Variants in NDUFS8 observed in about 807,000 individuals in gnomAD.
The protein encoded by NDUFS8 is NADH dehydrogenase [ubiquinone] iron-sulfur protein 8, mitochondrial.
NDUFS8 carries 13 observed loss-of-function variants against 25.6 expected under a neutral mutation model. That is an observed-to-expected ratio of 0.51 (90% CI 0.33 to 0.81). The LOEUF is 0.81. Among genes scored for constraint, NDUFS8 ranks in the 30% least tolerant of loss-of-function variants. NDUFS8 has a pLI of 0.02. For synonymous variants in NDUFS8, 119 were observed against 119.4 expected (o/e 1.00, Z 0.02); for missense variants, 257 against 300.9 (o/e 0.85, Z 1.08).
intron 1 of NDUFS8, chr11:68,031,147 A>G (rs1854756830): frequency 2.3e-5 from 6 of 263,878 alleles, no homozygotes; most frequent in South Asian, 1.8e-4. Context: ...AACCCACTTC[A>G]TAGGTGAGAA....
intron 4 of NDUFS8, 44 bp from the exon 5 acceptor site, chr11:68,033,067 G>C: frequency 6.2e-7 from 1 of 1,613,242 alleles, no homozygotes. Context: ...CGGATGCATG[G>C]GGGAGGAGGG....
intron 1 of NDUFS8, 121 bp from the exon 2 acceptor site, chr11:68,032,031 G>C: frequency 7.1e-7 from 1 of 1,404,402 alleles, no homozygotes; most frequent in Non-Finnish European, 1.0e-6. Flanking sequence ...GACAGCAATG[G>C]GGTGCGAGTA....
intron 1 of NDUFS8, among the ~76,000 whole-genome samples, chr11:68,031,881 GGAGA>G (rs1854773028): frequency 6.6e-6 from 1 of 152,154 alleles, no homozygotes; most frequent in African/African-American, 2.4e-5. Flanking sequence ...TCTCTGGGAG[GGAGA>G]AAGGAAGGAT....
chr11:68,033,112 C>T lies in NDUFS8; in HGVS notation c.201C>T (p.Gly67=), dbSNP rs1311356395. Residue 67 remains glycine (G), a splice_region_variant and synonymous_variant, in exon 5 of 7, where the codon GGC becomes GGT. Transcript: ENST00000313468. ...RTLLWTELFR[G]LGMTLSYLFR... is the part of the protein sequence containing the mutation. ...CCACCACACCCGTGCTGCCCACAGGCCTGGGCATGACCCTGAGCTACCTGT... is the reference window on the plus strand; with the variant it reads ...CCACCACACCCGTGCTGCCCACAGGTCTGGGCATGACCCTGAGCTACCTGT... 1.2e-6 allele frequency: 2 copies of T among 1,613,048 alleles called. No individual in the cohort carries two copies. The highest frequency in any genetic ancestry group is 4.5e-5 in the East Asian group (2 of 44,868).
chr11:68,032,639 C>T lies in NDUFS8; in HGVS notation c.110-284C>T, dbSNP rs115295367. ...CTGGTGAAGGCAAAGGCTCAAGCCC[C>T]CCACCTACCCCCCTTGATTCCTCTT... is the stretch of plus-strand genomic sequence containing the variant. On this transcript the variant is annotated intron_variant, in intron 3 of 6. Transcript: ENST00000313468. 3.3e-3 allele frequency: 3,274 copies of T among 996,756 alleles called. 70 individuals carry two copies. In the African/African-American group the frequency reaches 0.047, roughly 14 times the overall value. 61.7% of individuals were successfully genotyped at this position (996,756 alleles called of 1,614,324 possible). A position where few individuals can be genotyped will look rare whatever the true frequency, so the allele number is the denominator to read the frequency against.
intron 4 of NDUFS8, 35 bp from the exon 5 acceptor site, chr11:68,033,076 G>A (rs778065096): frequency 5.6e-6 from 9 of 1,613,016 alleles, no homozygotes; most frequent in Non-Finnish European, 5.9e-6. Flanking sequence ...GGGGGAGGAG[G>A]GTGCCCCTGC....
At position 68,036,339 on chromosome 11, in the gene NDUFS8, C is replaced by T. The variant is rs149201273; in HGVS notation, c.459C>T (p.Cys153=). The change falls in exon 6 of 7, where the codon TGC becomes TGT. Residue 153 remains cysteine (C), a synonymous_variant. Transcript: ENST00000313468. ...TCGACATGACCAAGTGCATCTACTG[C>T]GGCTTCTGCCAGGAGGCCTGTCCCG... ...YDIDMTKCIY[C]GFCQEACPVD... 4.4e-4 allele frequency: 712 copies of T among 1,613,734 alleles called. 1 individual carries two copies. The highest frequency in any genetic ancestry group is 2.9e-3 in the East Asian group (132 of 44,888).
intron 1 of NDUFS8, chr11:68,031,568 A>C (rs928046993): frequency 1.0e-4 from 18 of 179,292 alleles, no homozygotes; most frequent in African/African-American, 4.3e-4. Flanking sequence ...GGCTGGTCTC[A>C]AACTCCTGAC....
intron 1 of NDUFS8, 134 bp downstream of exon 1, chr11:68,030,867 G>A (rs964618074): frequency 7.1e-6 from 3 of 422,950 alleles, no homozygotes; most frequent in East Asian, 1.7e-4. Context: ...CGCGGCCTCC[G>A]TGTCCTTCAG....
intron 3 of NDUFS8, 193 bp downstream of exon 3, chr11:68,032,529 C>A (rs1854791706): frequency 6.7e-7 from 1 of 1,491,374 alleles, no homozygotes. Flanking sequence ...CCGAGGTTAG[C>A]ATGTGTGATC....
At chr11:68,032,421 C>A in intron 3 of NDUFS8, 85 bp downstream of exon 3, 1 of 1,608,874 alleles carries the variant, frequency 6.2e-7, no homozygotes, top group Non-Finnish European at 8.5e-7. Flanking sequence ...CCAGTCCTGG[C>A]TTTGTCAGGG....
In NDUFS8 at chr11:68,036,511, A is replaced by T. The variant is rs1565147872; in HGVS notation, c.551A>T (p.Asn184Ile). 1.2e-6 allele frequency: 2 copies of T among 1,614,060 alleles called. No individual in the cohort carries two copies. Among genetic ancestry groups the T allele is most frequent in the Non-Finnish European group, 1.7e-6 (2 of 1,179,996 alleles). ...STETHEELLY[N>I]KEKLLNNGDK... ...GAGACCCATGAGGAGCTGCTGTACA[A>T]CAAGGAGAAGTTGCTCAACAACGGG... is the stretch of plus-strand genomic sequence containing the variant. The change falls in exon 7 of 7, where the codon AAC (asparagine) becomes ATC (isoleucine). Residue 184 changes from asparagine (N) to isoleucine (I), a missense_variant. Transcript: ENST00000313468.
intron 1 of NDUFS8, chr11:68,031,810 ATGT>A (rs1445607593): frequency 4.5e-5 from 19 of 422,088 alleles, no homozygotes; most frequent in Non-Finnish European, 6.7e-5. Flanking sequence ...GGGGCTGGTA[ATGT>A]TGTTTTTGGT....
At chr11:68,032,672 C>T (rs1854794254) in intron 3 of NDUFS8, 4 of 875,716 alleles carry the variant, frequency 4.6e-6, no homozygotes, top group Non-Finnish European at 5.2e-6. Context: ...CTTTCAAGCC[C>T]TGTTGGGCAG....
chr11:68,033,987 C>T (rs1854829225), intron 5 of NDUFS8: 1 of 155,722 alleles, frequency 6.4e-6, no homozygotes, highest in Non-Finnish European at 1.4e-5. Flanking sequence ...TGTCCCCAAA[C>T]AGCAGTCACG....
chr11:68,032,516 T>C (rs1854791499), intron 3 of NDUFS8, 180 bp downstream of exon 3: 1 of 1,506,444 alleles, frequency 6.6e-7, no homozygotes, highest in East Asian at 2.5e-5. Context: ...GGGTCCATCA[T>C]TGCCGAGGTT....
At position 68,036,271 on chromosome 11, in the gene NDUFS8, G is replaced by T. The variant is rs150120620; in HGVS notation, c.391G>T (p.Glu131Ter). ...CCCGCAGGCCATCACCATCGAGGCTGAGCCAAGAGCTGATGGCAGCCGCCG... is the reference window on the plus strand; with the variant it reads ...CCCGCAGGCCATCACCATCGAGGCTTAGCCAAGAGCTGATGGCAGCCGCCG... The part of the protein sequence containing the change: ...CPAQAITIEA[E>*]PRADGSRRTT... Residue 131 changes from glutamate to a stop codon, truncating the protein, a stop_gained, in exon 6 of 7, where the codon GAG becomes TAG. Transcript: ENST00000313468. LOFTEE classifies it high-confidence loss of function. The T allele has an allele frequency of 9.9e-6, 16 of 1,612,802 alleles. No individual in the cohort carries two copies. Among genetic ancestry groups the T allele is most frequent in the African/African-American group, 4.0e-5 (3 of 74,946 alleles).
intron 5 of NDUFS8, among the ~76,000 whole-genome samples, chr11:68,035,450 A>T (rs545837523): frequency 6.6e-6 from 1 of 152,308 alleles, no homozygotes; most frequent in East Asian, 1.9e-4. Flanking sequence ...AAACAACAAC[A>T]AAAACTTTAT....
chr11:68,032,425 G>C (rs2134413345), intron 3 of NDUFS8, 89 bp downstream of exon 3: 1 of 1,606,384 alleles, frequency 6.2e-7, no homozygotes, highest in Non-Finnish European at 8.5e-7. Context: ...TCCTGGCTTT[G>C]TCAGGGGCGT....
Sources: allele counts gnomAD v4.1 joint callset (sites outside exome capture counted in the v4.1 genomes callset), GRCh38; gene constraint gnomAD v4.1.1; transcripts MANE v1.5; gene names NCBI Gene and HGNC (gene_info 2026-07-23, HGNC 2026-07-21).